Variants in CNTN4 observed in about 807,000 individuals in gnomAD.
CNTN4 encodes the protein contactin 4.
A neutral mutation model predicts 122.5 loss-of-function variants in CNTN4; 77 were observed. The observed-to-expected ratio is 0.63, with a 90% CI of 0.52 to 0.76. CNTN4 has a LOEUF of 0.76. Among genes scored for constraint, CNTN4 ranks in the 30% least tolerant of loss-of-function variants. The pLI is 0.00. For synonymous variants in CNTN4, 512 were observed against 447.0 expected, an observed-to-expected ratio of 1.15 and a Z score of -1.83; for missense variants, 1,256 against 1,259.1, an observed-to-expected ratio of 1.00 and a Z score of 0.04.
intron 2 of CNTN4, among the ~76,000 whole-genome samples, chr3:2,151,317 T>G (rs753379200): frequency 4.6e-5 from 7 of 152,108 alleles, no homozygotes; most frequent in Non-Finnish European, 8.8e-5. Flanking sequence ...GAAGCATCTA[T>G]GAGGAAGTGG....
intron 2 of CNTN4, among the ~76,000 whole-genome samples, chr3:2,274,143 G>A (rs1208237644): frequency 1.3e-5 from 2 of 152,088 alleles, no homozygotes; most frequent in African/African-American, 4.8e-5. Flanking sequence ...AGCACTTTGC[G>A]AGGCCGAGGC....
At chr3:2,160,228 G>A (rs1331367073) in intron 2 of CNTN4, among the ~76,000 whole-genome samples, 1 of 152,100 alleles carries the variant, frequency 6.6e-6, no homozygotes, top group Non-Finnish European at 1.5e-5. Flanking sequence ...TGCTGGAGGT[G>A]GAAGGCAGGT....
intron 3 of CNTN4, among the ~76,000 whole-genome samples, chr3:2,402,881 AAT>A (rs2046907300): frequency 2.6e-5 from 4 of 152,186 alleles, no homozygotes; most frequent in South Asian, 2.1e-4. Context: ...CTGTGATTGC[AAT>A]AGTTCCTTGT....
intron 6 of CNTN4, among the ~76,000 whole-genome samples, chr3:2,782,277 C>A (rs193049640): frequency 2.7e-5 from 4 of 149,862 alleles, no homozygotes; most frequent in Non-Finnish European, 4.4e-5. Context: ...GGAGGAAGTC[C>A]ATTTAGATGG....
chr3:2,498,569 C>G (rs920864175), intron 3 of CNTN4, among the ~76,000 whole-genome samples: 1 of 152,250 alleles, frequency 6.6e-6, no homozygotes, highest in East Asian at 1.9e-4. Flanking sequence ...CAGCCTTGGC[C>G]TCCCAGGCTC....
chr3:2,169,778 G>A (rs960265182), intron 2 of CNTN4, among the ~76,000 whole-genome samples: 7 of 152,278 alleles, frequency 4.6e-5, no homozygotes, highest in Middle Eastern at 3.4e-3. Flanking sequence ...AACTGTTTCT[G>A]TTTTAAGTTA....
At chr3:2,658,966 ACACAC>A (rs1317281227) in intron 4 of CNTN4, among the ~76,000 whole-genome samples, 2 of 3,604 alleles carry the variant, frequency 5.5e-4, no homozygotes, top group African/African-American at 4.6e-3. Flanking sequence ...ACACAAACAG[ACACAC>A]ACACACACAC....
At chr3:2,549,164 C>T (rs570814926) in intron 3 of CNTN4, among the ~76,000 whole-genome samples, 1 of 152,178 alleles carries the variant, frequency 6.6e-6, no homozygotes, top group South Asian at 2.1e-4. Context: ...AATTTGACTT[C>T]CTGTCTTCCT....
intron 2 of CNTN4, among the ~76,000 whole-genome samples, chr3:2,294,300 T>TC (rs2042231149): frequency 6.6e-6 from 1 of 151,742 alleles, no homozygotes; most frequent in Non-Finnish European, 1.5e-5. Context: ...TTTTTTTTTT[T>TC]TTTACTGAAT....
At chr3:2,434,682 T>C (rs1173851420) in intron 3 of CNTN4, among the ~76,000 whole-genome samples, 4 of 152,310 alleles carry the variant, frequency 2.6e-5, no homozygotes, top group Non-Finnish European at 5.9e-5. Flanking sequence ...GCAGGCACTT[T>C]ATATTGGAGG....
rs142453228 is a variant in CNTN4 at position 2,550,979 on chromosome 3, C to T, written c.-88-20437C>T. ...AGTGGGGAAGCTAGTGGAGGGATAG[C>T]ATTAGGAGAAATACCTAATGTAGAT... On this transcript the variant is annotated intron_variant, in intron 3 of 24. Transcript: ENST00000418658. Among the ~76,000 whole-genome samples the T allele has an allele frequency of 2.5e-3, 380 of 152,106 alleles. 3 individuals are homozygous for T. The highest frequency in any genetic ancestry group is 8.7e-3 in the African/African-American group (362 of 41,504).
At chr3:2,208,901 C>G (rs1302769125) in intron 2 of CNTN4, among the ~76,000 whole-genome samples, 1 of 152,074 alleles carries the variant, frequency 6.6e-6, no homozygotes, top group Non-Finnish European at 1.5e-5. Context: ...GTTTTTTAGA[C>G]ATACTGCTAA....
At chr3:2,675,157 C>G (rs1248424305) in intron 4 of CNTN4, among the ~76,000 whole-genome samples, 1 of 151,742 alleles carries the variant, frequency 6.6e-6, no homozygotes, top group South Asian at 2.1e-4. Flanking sequence ...TTAGCTTCCT[C>G]AGGTTGAAAA....
In CNTN4 at chr3:2,254,805, A is replaced by G. The variant is rs976489372; in HGVS notation, c.-144-84373A>G. 2.0e-5 allele frequency among the ~76,000 whole-genome samples: 3 copies of G among 152,062 alleles called. No homozygotes were observed. The East Asian group carries it at 5.8e-4, about 29-fold the overall frequency. On this transcript the variant is annotated intron_variant, in intron 2 of 24. Transcript: ENST00000418658. ...ATATTAGCCCTTTGTCAGATGGTGG[A>G]TTACAAAAATTTTCTCTCATTCTAT... is the stretch of plus-strand genomic sequence containing the variant.
At chr3:2,708,028 C>A in intron 4 of CNTN4, among the ~76,000 whole-genome samples, 1 of 152,080 alleles carries the variant, frequency 6.6e-6, no homozygotes. Context: ...TTATATAATA[C>A]CAATTCATTC....
intron 8 of CNTN4, among the ~76,000 whole-genome samples, chr3:2,878,443 A>AT (rs1459848598): frequency 6.6e-6 from 1 of 152,016 alleles, no homozygotes; most frequent in African/African-American, 2.4e-5. Flanking sequence ...TACCCATCAC[A>AT]TTTTTTCCCA....
intron 2 of CNTN4, among the ~76,000 whole-genome samples, chr3:2,225,076 GGAGGTAGAGCTTGCAAGT>G (rs1287331294): frequency 6.6e-6 from 1 of 151,616 alleles, no homozygotes; most frequent in Non-Finnish European, 1.5e-5. Context: ...CGTGAACCCG[GGAGGTAGAGCTTGCAAGT>G]GAGCCGAGAT....
At chr3:2,196,047 T>C (rs1299258858) in intron 2 of CNTN4, among the ~76,000 whole-genome samples, 1 of 152,180 alleles carries the variant, frequency 6.6e-6, no homozygotes, top group Non-Finnish European at 1.5e-5. Context: ...ATAAATAAAC[T>C]TCTGCAGGTC....
chr3:2,174,047 A>G (rs1043420252), intron 2 of CNTN4, among the ~76,000 whole-genome samples: 3 of 152,154 alleles, frequency 2.0e-5, no homozygotes, highest in African/African-American at 7.2e-5. Flanking sequence ...AGCATCAGGT[A>G]CAAGCTAAAT....
Sources: allele counts gnomAD v4.1 joint callset (sites outside exome capture counted in the v4.1 genomes callset), GRCh38; gene constraint gnomAD v4.1.1; transcripts MANE v1.5; gene names NCBI Gene and HGNC (gene_info 2026-07-23, HGNC 2026-07-21).